The following MAGI1 variants were observed in gnomAD, a reference collection of about 807,000 sequenced individuals.
MAGI1 encodes membrane-associated guanylate kinase, WW and PDZ domain-containing protein 1.
A neutral mutation model predicts 139.9 loss-of-function variants in MAGI1; 58 were observed. The ratio of observed to expected loss-of-function variants is 0.41; its 90% confidence interval spans 0.34 to 0.52. The LOEUF (loss-of-function observed/expected upper bound fraction) is 0.52, where lower values mean the gene tolerates loss of function less well. Ranked by LOEUF, MAGI1 falls within the 20% of genes least tolerant of loss-of-function variation. The probability of loss-of-function intolerance (pLI) is 0.12; values close to 1 mark genes in which losing one functional copy is unlikely to be tolerated. For missense variants in MAGI1, 1,874 were observed against 1,901.6 expected (o/e 0.99, Z 0.27); for synonymous variants, 812 against 737.9 (o/e 1.10, Z -1.63).
intron 2 of MAGI1, among the ~76,000 whole-genome samples, chr3:65,500,311 C>A (rs1275206353): frequency 6.6e-6 from 1 of 152,162 alleles, no homozygotes. Context: ...ACCCTTCCCA[C>A]CACTAGATAA....
chr3:65,859,912 T>TG, intron 1 of MAGI1, among the ~76,000 whole-genome samples: 1 of 146,508 alleles, frequency 6.8e-6, no homozygotes, highest in South Asian at 2.1e-4. Flanking sequence ...TTTTGTTTTT[T>TG]TTTTTTTGAG....
chr3:65,721,217 C>T (rs1027567799), intron 1 of MAGI1, among the ~76,000 whole-genome samples: 6 of 152,208 alleles, frequency 3.9e-5, no homozygotes, highest in Non-Finnish European at 5.9e-5. Flanking sequence ...CAGGGTATAA[C>T]ATAACACACA....
At chr3:65,530,744 C>CAT (rs1553661873) in intron 2 of MAGI1, among the ~76,000 whole-genome samples, 4 of 76,436 alleles carry the variant, frequency 5.2e-5, no homozygotes, top group South Asian at 9.6e-4. Context: ...TATATATGCA[C>CAT]ATATATATAC....
At chr3:65,595,987 T>A (rs1014535334) in intron 2 of MAGI1, among the ~76,000 whole-genome samples, 2 of 152,164 alleles carry the variant, frequency 1.3e-5, no homozygotes, top group Non-Finnish European at 2.9e-5. Context: ...GTTGATACCA[T>A]TAAACTGCTA....
chr3:65,942,836 T>C (rs551364218), intron 1 of MAGI1, among the ~76,000 whole-genome samples: 3 of 151,526 alleles, frequency 2.0e-5, no homozygotes, highest in African/African-American at 7.3e-5. Flanking sequence ...GCCTGGCCAA[T>C]AGGGTGAAAC....
chr3:65,691,894 C>G (rs1385609385), intron 1 of MAGI1, among the ~76,000 whole-genome samples: 1 of 152,166 alleles, frequency 6.6e-6, no homozygotes, highest in East Asian at 1.9e-4. Context: ...ACCTAATTAG[C>G]TTCTCACAAA....
intron 4 of MAGI1, among the ~76,000 whole-genome samples, chr3:65,472,783 T>A (rs796477028): frequency 2.9e-4 from 44 of 152,158 alleles, no homozygotes; most frequent in African/African-American, 9.9e-4. Flanking sequence ...TGGAGGAGAG[T>A]GGACTTGGGG....
chr3:65,869,204 C>G (rs1478335323), intron 1 of MAGI1, among the ~76,000 whole-genome samples: 7 of 145,006 alleles, frequency 4.8e-5, no homozygotes, highest in Non-Finnish European at 9.0e-5. Context: ...TGCAGTGAGC[C>G]GAGATCGCGC....
chr3:65,553,477 C>T (rs2079945595), intron 2 of MAGI1, among the ~76,000 whole-genome samples: 1 of 152,120 alleles, frequency 6.6e-6, no homozygotes, highest in South Asian at 2.1e-4. Context: ...TTTTAAAGCA[C>T]TTCATATGTG....
chr3:65,987,530 C>A (rs1037382165), intron 1 of MAGI1, among the ~76,000 whole-genome samples: 1 of 152,106 alleles, frequency 6.6e-6, no homozygotes, highest in Non-Finnish European at 1.5e-5. Flanking sequence ...TTAAGAGGCA[C>A]CAAAACCCTC....
At chr3:65,400,092 G>T (rs746791630) in intron 13 of MAGI1, among the ~76,000 whole-genome samples, 1 of 152,176 alleles carries the variant, frequency 6.6e-6, no homozygotes, top group Admixed American at 6.5e-5. Flanking sequence ...TCTGAAGGCG[G>T]ATGGGTTACT....
At chr3:65,520,091 C>G (rs1175716480) in intron 2 of MAGI1, among the ~76,000 whole-genome samples, 3 of 152,204 alleles carry the variant, frequency 2.0e-5, no homozygotes, top group Non-Finnish European at 4.4e-5. Context: ...AGTTGGCCAT[C>G]TTAGAAGTGG....
chr3:65,841,453 GTT>G (rs56049843), intron 1 of MAGI1, among the ~76,000 whole-genome samples: 70,107 of 147,328 alleles, frequency 0.48, 17,700 homozygotes, highest in East Asian at 0.76. Flanking sequence ...TTTTGTTTTT[GTT>G]TTTTTTTTGA....
chr3:65,673,033 T>G (rs1170322897), intron 1 of MAGI1, among the ~76,000 whole-genome samples: 1 of 152,086 alleles, frequency 6.6e-6, no homozygotes, highest in Non-Finnish European at 1.5e-5. Context: ...TGTTCCCAAC[T>G]CAAAAGGGCA....
At chr3:65,707,518 C>A (rs2030548412) in intron 1 of MAGI1, among the ~76,000 whole-genome samples, 1 of 151,926 alleles carries the variant, frequency 6.6e-6, no homozygotes, top group Non-Finnish European at 1.5e-5. Flanking sequence ...GACACTGTCT[C>A]TCTAACAAAA....
chr3:65,466,683 A>G (rs1950195848), intron 5 of MAGI1, among the ~76,000 whole-genome samples: 1 of 152,158 alleles, frequency 6.6e-6, no homozygotes, highest in Non-Finnish European at 1.5e-5. Flanking sequence ...GGGGAGGAAG[A>G]GGGTGTTTCA....
intron 1 of MAGI1, among the ~76,000 whole-genome samples, chr3:65,924,421 C>A (rs182069534): frequency 1.3e-5 from 2 of 152,242 alleles, no homozygotes; most frequent in Admixed American, 1.3e-4. Context: ...ATACATGAGT[C>A]CCATTTCAAG....
intron 1 of MAGI1, among the ~76,000 whole-genome samples, chr3:65,919,863 A>C (rs2062090437): frequency 6.6e-6 from 1 of 152,200 alleles, no homozygotes; most frequent in Non-Finnish European, 1.5e-5. Context: ...TCTCAGTTTT[A>C]GCCAGACATC....
chr3:66,006,484 T>C (rs1253037090), intron 1 of MAGI1, among the ~76,000 whole-genome samples: 1 of 152,206 alleles, frequency 6.6e-6, no homozygotes. Flanking sequence ...TATGTATATA[T>C]GTGTGTATGG....
Sources: gnomAD v4.1 joint callset for allele counts (sites outside exome capture counted in the v4.1 genomes callset) on GRCh38, gnomAD v4.1.1 for gene constraint, MANE v1.5 for transcripts, NCBI Gene and HGNC (gene_info 2026-07-23, HGNC 2026-07-21) for gene names.